PARM1: variants seen among roughly 807,000 people sequenced by gnomAD.
PARM1 encodes WSC4, cell wall integrity and stress response component 4 homolog.
Under a neutral mutation model 24.6 loss-of-function variants are expected in PARM1, and 14 were observed. That is an observed-to-expected ratio of 0.57 (90% confidence interval 0.38 to 0.89). The LOEUF (loss-of-function observed/expected upper bound fraction) is 0.89. PARM1 is among the 40% of genes least tolerant of loss of function. The pLI is 0.00. For missense variants in PARM1, 362 were observed against 380.4 expected, an observed-to-expected ratio of 0.95 and a Z score of 0.40; for synonymous variants, 179 against 156.6, an observed-to-expected ratio of 1.14 and a Z score of -1.07.
rs777221314 is a variant in PARM1, at chr4:75,033,866, C to T, written c.770-17C>T. On this transcript the variant is annotated splice_polypyrimidine_tract_variant and intron_variant, in intron 2 of 3. Coordinates refer to ENST00000307428, the MANE Select transcript of PARM1 (RefSeq NM_015393.4). ...ATCCTCATGTATCTTCTTTTCTGTG[C>T]CCTTCCTCCTTCACAGGCAGCATCG... is the stretch of plus-strand genomic sequence containing the variant. 6 of 1,585,030 alleles carry T rather than the reference C, an allele frequency of 3.8e-6. No individual in the cohort carries two copies. Among genetic ancestry groups the T allele is most frequent in the South Asian group, 3.5e-5 (3 of 86,320 alleles).
intron 1 of PARM1, among the ~76,000 whole-genome samples, chr4:74,948,406 G>A (rs555725047): frequency 2.6e-5 from 4 of 152,322 alleles, no homozygotes; most frequent in African/African-American, 9.6e-5. Context: ...TTCCTTGAGA[G>A]TTAAGATTTA....
chr4:74,957,460 G>C (rs1721660958), intron 1 of PARM1: 1 of 152,142 alleles, frequency 6.6e-6, no homozygotes, highest in African/African-American at 2.4e-5. Context: ...TGGATGAATA[G>C]TATTTCTCTC....
At chr4:74,944,505 C>A (rs1052541770) in intron 1 of PARM1, among the ~76,000 whole-genome samples, 1 of 152,058 alleles carries the variant, frequency 6.6e-6, no homozygotes, top group African/African-American at 2.4e-5. Flanking sequence ...TGCGTCTGGT[C>A]TTGTGCTTGT....
At chr4:75,011,031 G>A (rs1722860021) in intron 1 of PARM1, among the ~76,000 whole-genome samples, 1 of 152,132 alleles carries the variant, frequency 6.6e-6, no homozygotes, top group South Asian at 2.1e-4. Flanking sequence ...GTGAGAATGG[G>A]AGCAAGAGAG....
At chr4:75,039,432 G>T (rs1432284481) in intron 3 of PARM1, among the ~76,000 whole-genome samples, 2 of 152,106 alleles carry the variant, frequency 1.3e-5, no homozygotes, top group African/African-American at 4.8e-5. Flanking sequence ...TGCTCGGGAG[G>T]CTGAGGCAGG....
chr4:75,017,890 G>C (rs1443913879), intron 2 of PARM1, among the ~76,000 whole-genome samples: 1 of 152,210 alleles, frequency 6.6e-6, no homozygotes, highest in Non-Finnish European at 1.5e-5. Context: ...ATAGGATAGG[G>C]ATAGTATTCA....
At chr4:74,945,933 G>A (rs1489563978) in intron 1 of PARM1, among the ~76,000 whole-genome samples, 1 of 152,200 alleles carries the variant, frequency 6.6e-6, no homozygotes, top group Non-Finnish European at 1.5e-5. Context: ...TGTGACTGGG[G>A]AGAGGGCTGG....
chr4:75,011,848 A>G (rs1007176094), intron 1 of PARM1, among the ~76,000 whole-genome samples: 6 of 152,090 alleles, frequency 3.9e-5, no homozygotes, highest in Admixed American at 3.3e-4. Context: ...ATATTTATTC[A>G]TCCCAGCCAG....
rs537228265 is a variant in PARM1 at position 75,047,636 on chromosome 4, A to G, written c.*1389A>G. The G allele has an allele frequency of 3.3e-5, 5 of 152,384 alleles. No individual in the cohort carries two copies. Among genetic ancestry groups the G allele is most frequent in the African/African-American group, 9.6e-5 (4 of 41,586 alleles). The allele number at this position is 152,384 out of a possible 1,614,324, so 9.4% of individuals were successfully genotyped here. A position where few individuals can be genotyped will look rare whatever the true frequency, so the allele number is the denominator to read the frequency against. ...TGCTGCCAAACATTCTACCATGCACAGCACAACCTACAACAGCAAAGAATC... is the reference window on the plus strand; with the variant it reads ...TGCTGCCAAACATTCTACCATGCACGGCACAACCTACAACAGCAAAGAATC... On this transcript the variant is annotated 3_prime_UTR_variant, in exon 4 of 4. Transcript: ENST00000307428.
At chr4:74,946,392 C>G (rs925112281) in intron 1 of PARM1, among the ~76,000 whole-genome samples, 4 of 152,226 alleles carry the variant, frequency 2.6e-5, no homozygotes, top group Non-Finnish European at 5.9e-5. Flanking sequence ...TTATCAGTAA[C>G]TCCTAAATGG....
chr4:74,935,585 G>A (rs1721163355), intron 1 of PARM1, among the ~76,000 whole-genome samples: 1 of 152,166 alleles, frequency 6.6e-6, no homozygotes, highest in Non-Finnish European at 1.5e-5. Flanking sequence ...ACCAGGCCTT[G>A]TGTCTTTTCT....
chr4:74,965,670 A>G (rs2109991826), intron 1 of PARM1, among the ~76,000 whole-genome samples: 1 of 152,346 alleles, frequency 6.6e-6, no homozygotes, highest in East Asian at 1.9e-4. Context: ...TGACTGTGTG[A>G]TAAGAAGAAT....
chr4:74,933,220 C>A lies in PARM1; in HGVS notation c.-108C>A. 1 of 944,434 alleles carries A rather than the reference C, an allele frequency of 1.1e-6. No homozygotes were observed. Among genetic ancestry groups the A allele is most frequent in the East Asian group, 2.5e-5 (1 of 40,408 alleles). The allele number at this position is 944,434 out of a possible 1,614,324, so 58.5% of individuals were successfully genotyped here. ...GGAGCTGTTCGCGCCTCCCGGCTCC[C>A]ACCGCAGCCCACCCGGCAGAGGAGT... On this transcript the variant is annotated 5_prime_UTR_variant, in exon 1 of 4. Transcript: ENST00000307428.
intron 1 of PARM1, among the ~76,000 whole-genome samples, chr4:74,954,077 CTCTAAGGCTCAATATCCACAG>C (rs1239136030): frequency 6.6e-6 from 1 of 152,222 alleles, no homozygotes; most frequent in Non-Finnish European, 1.5e-5. Flanking sequence ...TCTTCTGAAG[CTCTAAGGCTCAATATCCACAG>C]TAAATTATTA....
At chr4:74,997,078 C>T (rs1476385090) in intron 1 of PARM1, among the ~76,000 whole-genome samples, 1 of 152,188 alleles carries the variant, frequency 6.6e-6, no homozygotes, top group African/African-American at 2.4e-5. Context: ...CCTAGCTACA[C>T]CAGGCTGACA....
intron 3 of PARM1, 120 bp from the exon 4 acceptor site, chr4:75,046,043 C>A (rs1403278531): frequency 3.1e-6 from 2 of 652,138 alleles, no homozygotes; most frequent in Admixed American, 2.5e-5. Context: ...CTAGTGAGAG[C>A]GTCACAACTT....
intron 1 of PARM1, among the ~76,000 whole-genome samples, chr4:75,006,008 C>T (rs1003585732): frequency 6.6e-6 from 1 of 152,176 alleles, no homozygotes. Flanking sequence ...AAACAATGCT[C>T]ATTCACCTCT....
intron 3 of PARM1, among the ~76,000 whole-genome samples, chr4:75,043,677 C>T (rs1723543110): frequency 6.6e-6 from 1 of 152,090 alleles, no homozygotes; most frequent in Non-Finnish European, 1.5e-5. Context: ...GCTTTAGTTA[C>T]CGGATTTTAA....
chr4:75,041,207 C>T (rs1723476522), intron 3 of PARM1, among the ~76,000 whole-genome samples: 2 of 151,974 alleles, frequency 1.3e-5, no homozygotes, highest in African/African-American at 2.4e-5. Context: ...TTAAAGAAGC[C>T]AGGCAGGAAA....
Sources: gnomAD v4.1 joint callset for allele counts (sites outside exome capture counted in the v4.1 genomes callset) on GRCh38, gnomAD v4.1.1 for gene constraint, MANE v1.5 for transcripts, NCBI Gene and HGNC (gene_info 2026-07-23, HGNC 2026-07-21) for gene names.